Variants in NCKAP5 observed in about 807,000 individuals in gnomAD.
The protein encoded by NCKAP5 is nck-associated protein 5.
Under a neutral mutation model 167.0 loss-of-function variants are expected in NCKAP5, and 92 were observed. That is an observed-to-expected ratio of 0.55 (90% CI 0.47 to 0.66). The LOEUF is 0.66. Among genes scored for constraint, NCKAP5 ranks in the 30% least tolerant of loss-of-function variants. The probability of loss-of-function intolerance (pLI) is 0.00; values close to 1 mark genes in which losing one functional copy is unlikely to be tolerated. For synonymous variants in NCKAP5, 891 were observed against 877.4 expected, an observed-to-expected ratio of 1.02 and a Z score of -0.27; for missense variants, 2,378 against 2,315.0, an observed-to-expected ratio of 1.03 and a Z score of -0.56.
At chr2:133,283,714 G>A (rs544222688) in intron 4 of NCKAP5, among the ~76,000 whole-genome samples, 15 of 151,430 alleles carry the variant, frequency 9.9e-5, no homozygotes, top group South Asian at 2.1e-4. Context: ...AGGTTCAAGC[G>A]ATTCTCCTGC....
At chr2:133,666,160 T>C in the NCKAP5 span, among the ~76,000 whole-genome samples, 2 of 151,590 alleles carry the variant, frequency 1.3e-5, no homozygotes, top group African/African-American at 4.9e-5. Flanking sequence ...ATCATAGTCA[T>C]TATTTCAATC....
At chr2:133,452,302 A>G (rs1691598759) in intron 3 of NCKAP5, among the ~76,000 whole-genome samples, 1 of 152,152 alleles carries the variant, frequency 6.6e-6, no homozygotes, top group Non-Finnish European at 1.5e-5. Context: ...GCCAACTAGG[A>G]GAGGCTCCTT....
chr2:133,059,715 G>A (rs953031212), intron 6 of NCKAP5, among the ~76,000 whole-genome samples: 8 of 151,486 alleles, frequency 5.3e-5, no homozygotes, highest in African/African-American at 1.9e-4. Context: ...AAAAAGGTAC[G>A]TACATTTTTA....
intron 19 of NCKAP5, among the ~76,000 whole-genome samples, chr2:132,674,205 C>A (rs1166880655): frequency 6.6e-6 from 1 of 152,188 alleles, no homozygotes; most frequent in Non-Finnish European, 1.5e-5. Context: ...AAGAAGCAGG[C>A]CCGGGGGCTT....
At chr2:132,987,990 G>A (rs2077337481) in intron 7 of NCKAP5, among the ~76,000 whole-genome samples, 1 of 152,172 alleles carries the variant, frequency 6.6e-6, no homozygotes, top group Non-Finnish European at 1.5e-5. Context: ...CAGCAGCATA[G>A]TGACTGGTAC....
chr2:133,663,312 G>A, the NCKAP5 span, among the ~76,000 whole-genome samples: 2 of 151,694 alleles, frequency 1.3e-5, no homozygotes, highest in Non-Finnish European at 1.5e-5. Context: ...TGAGCTGTCA[G>A]CACGTTGTAA....
chr2:133,662,204 A>G, the NCKAP5 span, among the ~76,000 whole-genome samples: 37 of 152,274 alleles, frequency 2.4e-4, 2 homozygotes, highest in African/African-American at 8.9e-4. Context: ...AGATTATTAA[A>G]TTACTTTGCA....
At chr2:133,619,703 T>C in the NCKAP5 span, among the ~76,000 whole-genome samples, 34 of 152,178 alleles carry the variant, frequency 2.2e-4, 1 homozygote, top group South Asian at 4.1e-3. Context: ...AAGGAAAACT[T>C]CCCTGGCCTT....
chr2:133,089,342 A>T (rs1009540033), intron 6 of NCKAP5, among the ~76,000 whole-genome samples: 3 of 152,230 alleles, frequency 2.0e-5, no homozygotes, highest in Admixed American at 2.0e-4. Flanking sequence ...ATAAGTTTCA[A>T]TGAGGTCTAT....
chr2:133,539,004 G>A (rs1320786993), intron 2 of NCKAP5, among the ~76,000 whole-genome samples: 12 of 140,394 alleles, frequency 8.5e-5, no homozygotes, highest in Non-Finnish European at 1.4e-4. Context: ...GCAGTGGCGC[G>A]ATCTCGACTC....
chr2:133,560,806 C>A (rs1376578279), intron 1 of NCKAP5, among the ~76,000 whole-genome samples: 2 of 152,170 alleles, frequency 1.3e-5, no homozygotes, highest in African/African-American at 2.4e-5. Context: ...GAATAGAAAA[C>A]CCACTTTTGT....
At chr2:133,548,307 G>A (rs1686936962) in intron 2 of NCKAP5, among the ~76,000 whole-genome samples, 1 of 152,140 alleles carries the variant, frequency 6.6e-6, no homozygotes, top group Non-Finnish European at 1.5e-5. Flanking sequence ...ACACTCTGCA[G>A]GATATTATCC....
chr2:133,490,750 G>A (rs748663530), intron 3 of NCKAP5, among the ~76,000 whole-genome samples: 5 of 152,176 alleles, frequency 3.3e-5, no homozygotes, highest in South Asian at 4.1e-4. Flanking sequence ...TGGACAGAAC[G>A]AGGCAGACCC....
chr2:133,425,072 G>T (rs1422657149), intron 3 of NCKAP5, among the ~76,000 whole-genome samples: 1 of 152,196 alleles, frequency 6.6e-6, no homozygotes, highest in Non-Finnish European at 1.5e-5. Flanking sequence ...CTTGTTGGAT[G>T]CCAGGGCCCA....
intron 3 of NCKAP5, 117 bp from the exon 4 acceptor site, chr2:133,303,227 G>A (rs946455117): frequency 4.5e-5 from 30 of 673,110 alleles, no homozygotes; most frequent in Middle Eastern, 4.9e-4. Context: ...CTTCCCTTCC[G>A]GTTCTAGGAT....
At chr2:133,408,601 A>T (rs1331808468) in intron 3 of NCKAP5, among the ~76,000 whole-genome samples, 1 of 152,158 alleles carries the variant, frequency 6.6e-6, no homozygotes, top group Non-Finnish European at 1.5e-5. Context: ...TTTAATTTAG[A>T]GGGTGAAAGA....
rs145173515 is a variant in NCKAP5, at chr2:133,472,635, G to A, written c.69+44823C>T. On this transcript the variant is annotated intron_variant, in intron 3 of 19. Transcript: ENST00000409261. The stretch of plus-strand genomic sequence containing the variant: ...CCTCCCCAAACATTCTGCAGGGTCC[G>A]AGACCCATATGTACTAACCCTGCAA... Among the ~76,000 whole-genome samples, 559 of 152,058 alleles carry A rather than the reference G, an allele frequency of 3.7e-3. 3 individuals carry two copies. The highest frequency in any genetic ancestry group is 0.013 in the African/African-American group (533 of 41,480).
intron 8 of NCKAP5, among the ~76,000 whole-genome samples, chr2:132,927,355 T>C (rs1695984348): frequency 6.7e-6 from 1 of 149,190 alleles, no homozygotes; most frequent in Non-Finnish European, 1.5e-5. Context: ...CAGGCTCTTT[T>C]GGTTCCATAT....
intron 10 of NCKAP5, among the ~76,000 whole-genome samples, chr2:132,863,094 A>G (rs147655871): frequency 0.062 from 9,418 of 152,238 alleles, 427 homozygotes; most frequent in East Asian, 0.2. Flanking sequence ...TGCTGGGATT[A>G]CAGGCATGAA....
Sources: gnomAD v4.1 joint callset for allele counts (sites outside exome capture counted in the v4.1 genomes callset) on GRCh38, gnomAD v4.1.1 for gene constraint, MANE v1.5 for transcripts, NCBI Gene and HGNC (gene_info 2026-07-23, HGNC 2026-07-21) for gene names.